ZNF75A: variants seen among roughly 807,000 people sequenced by gnomAD.
ZNF75A encodes zinc finger protein 75A.
A neutral mutation model predicts 46.3 loss-of-function variants in ZNF75A; 36 were observed. That is an observed-to-expected ratio of 0.78 (90% CI 0.60 to 1.03). The LOEUF (loss-of-function observed/expected upper bound fraction) is 1.03. Ranked by LOEUF, ZNF75A falls within the 50% of genes least tolerant of loss-of-function variation. The pLI is 0.00. For synonymous variants in ZNF75A, 234 were observed against 189.9 expected (o/e 1.23, Z -1.91); for missense variants, 595 against 551.3 (o/e 1.08, Z -0.79).
rs1475669802 is a variant in ZNF75A, at chr16:3,317,269, C to A, written c.1014C>A (p.Val338=). Residue 338 remains valine, a synonymous_variant, in exon 7 of 7, where the codon GTC becomes GTA. Transcript: ENST00000669516. ...TAGAAATACAAGCATCAGCAGGCGT[C>A]ATATCAAAAAAGGCCAAAGTAAAAG... The part of the protein sequence containing the change: ...SDLEIQASAG[V]ISKKAKVKVP... 6.2e-7 allele frequency: 1 copy of A among 1,613,766 alleles called. No homozygotes were observed. The highest frequency in any genetic ancestry group is 2.2e-5 in the East Asian group (1 of 44,870).
chr16:3,311,437 CAAAA>C lies in ZNF75A; in HGVS notation c.409-302_409-299del, dbSNP rs60757185. ...TGGGCAACAAGAGCAAAACTCATCT[CAAAA>C]AAAAAAAAAAAAATGAGTGGGCTGC... On this transcript the variant is annotated intron_variant, in intron 2 of 6. Coordinates refer to ENST00000669516, the MANE Select transcript of ZNF75A (RefSeq NM_001302109.2). Among the ~76,000 whole-genome samples the C allele has an allele frequency of 4.5e-3, 508 of 112,226 alleles. 3 individuals carry two copies. The highest frequency in any genetic ancestry group is 0.014 in the African/African-American group (475 of 32,820). The allele number at this position is 112,226 out of a possible 152,430, so 73.6% of individuals were successfully genotyped here.
downstream of ZNF75A, chr16:3,318,953 C>A: frequency 1.8e-6 from 1 of 568,974 alleles, no homozygotes; most frequent in Non-Finnish European, 2.2e-6. Context: ...CATTTAACAG[C>A]AGCCTCAGGT....
downstream of ZNF75A, among the ~76,000 whole-genome samples, chr16:3,322,624 T>G (rs2029985408): frequency 6.6e-6 from 1 of 152,228 alleles, no homozygotes; most frequent in African/African-American, 2.4e-5. Context: ...ATAATGAATC[T>G]TGAGTTGCAC....
downstream of ZNF75A, chr16:3,323,053 C>G: frequency 3.4e-6 from 2 of 585,870 alleles, no homozygotes; most frequent in African/African-American, 2.0e-5. Context: ...TTTTTTTTAA[C>G]CCTTCCTTTC....
chr16:3,313,306 G>A lies in ZNF75A; in HGVS notation c.823+131G>A, dbSNP rs1258516922. The A allele has an allele frequency of 1.0e-5, 9 of 859,554 alleles. No individual in the cohort carries two copies. In the East Asian group the frequency reaches 2.1e-4, roughly 20 times the overall value. The allele number at this position is 859,554 out of a possible 1,614,324, so 53.2% of individuals were successfully genotyped here. ...TCATCTAGATGGTATAGGGGAGGGT[G>A]TAGGTAGTGTATCCAGATCACCTGT... On this transcript the variant is annotated intron_variant, in intron 5 of 6. Transcript: ENST00000669516.
chr16:3,319,121 T>A (rs116027169), downstream of ZNF75A, among the ~76,000 whole-genome samples: 2,615 of 152,256 alleles, frequency 0.017, 78 homozygotes, highest in African/African-American at 0.06. Context: ...CCTCTTATTT[T>A]ATTTTTTTTG....
intron 5 of ZNF75A, among the ~76,000 whole-genome samples, chr16:3,314,071 A>G (rs919015690): frequency 2.0e-5 from 3 of 152,078 alleles, no homozygotes; most frequent in African/African-American, 7.2e-5. Context: ...CGCTATATAT[A>G]TATATCTTTT....
At chr16:3,311,384 G>A (rs1426077767) in intron 2 of ZNF75A, among the ~76,000 whole-genome samples, 1 of 151,208 alleles carries the variant, frequency 6.6e-6, no homozygotes, top group Non-Finnish European at 1.5e-5. Flanking sequence ...GTAGCAGTGA[G>A]CCGAGATTAT....
intron 5 of ZNF75A, chr16:3,316,236 A>G (rs1386245321): frequency 2.0e-5 from 3 of 152,214 alleles, no homozygotes; most frequent in African/African-American, 7.2e-5. Flanking sequence ...TCACTACTAT[A>G]TCCCTAGCCC....
intron 1 of ZNF75A, chr16:3,307,859 C>T (rs968418287): frequency 2.6e-5 from 4 of 152,104 alleles, no homozygotes; most frequent in Non-Finnish European, 4.4e-5. Context: ...AGGCTTCCAT[C>T]TTCACAAGAG....
downstream of ZNF75A, among the ~76,000 whole-genome samples, chr16:3,319,767 C>G (rs1961454269): frequency 6.6e-6 from 1 of 150,528 alleles, no homozygotes; most frequent in African/African-American, 2.4e-5. Flanking sequence ...TTGTGAGCCT[C>G]TGGCTGAAGC....
rs767942032 is a variant in ZNF75A at position 3,316,883 on chromosome 16, T to C, written c.824-29T>C. 20 of 1,521,906 alleles carry C rather than the reference T, an allele frequency of 1.3e-5. No homozygotes were observed. The Admixed American group carries it at 3.5e-4, about 27-fold the overall frequency. The allele number at this position is 1,521,906 out of a possible 1,614,324, so 94.3% of individuals were successfully genotyped here. A position where few individuals can be genotyped will look rare whatever the true frequency, so the allele number is the denominator to read the frequency against. Reference sequence around the variant, plus strand: ...GACCAGTTCACTGTTAAGTTACCAGTCCTTGACCTCATTTTGTCCATTTGA... The same window carrying C: ...GACCAGTTCACTGTTAAGTTACCAGCCCTTGACCTCATTTTGTCCATTTGA... On this transcript the variant is annotated intron_variant, in intron 5 of 6. Coordinates refer to ENST00000669516, the MANE Select transcript of ZNF75A (RefSeq NM_001302109.2).
At chr16:3,314,301 C>G (rs575418467) in intron 5 of ZNF75A, among the ~76,000 whole-genome samples, 25 of 152,284 alleles carry the variant, frequency 1.6e-4, no homozygotes, top group Admixed American at 3.9e-4. Context: ...TCTTTTCCAC[C>G]CACAGCTGTG....
intron 5 of ZNF75A, among the ~76,000 whole-genome samples, chr16:3,314,152 G>A (rs1462730070): frequency 1.3e-5 from 2 of 151,954 alleles, no homozygotes; most frequent in Non-Finnish European, 2.9e-5. Flanking sequence ...TAGACACTTG[G>A]TTCTAATTTA....
rs986241837 is a variant in ZNF75A, at chr16:3,318,358, G to T, written c.*489G>T. 25 of 987,548 alleles carry T rather than the reference G, an allele frequency of 2.5e-5. No homozygotes were observed. In the East Asian group the frequency reaches 2.4e-3, roughly 94 times the overall value. 61.2% of individuals were successfully genotyped at this position (987,548 alleles called of 1,614,324 possible). On this transcript the variant is annotated 3_prime_UTR_variant, in exon 7 of 7. Coordinates refer to ENST00000669516, the MANE Select transcript of ZNF75A (RefSeq NM_001302109.2). ...TTTTCGGCAACTTCTCTTGGATCCTGTTATCACAGTTTTTTACTGTGATGA... is the reference window on the plus strand; with the variant it reads ...TTTTCGGCAACTTCTCTTGGATCCTTTTATCACAGTTTTTTACTGTGATGA...
intron 5 of ZNF75A, among the ~76,000 whole-genome samples, chr16:3,314,506 C>T (rs1596398132): frequency 6.6e-6 from 1 of 152,218 alleles, no homozygotes; most frequent in African/African-American, 2.4e-5. Context: ...GGCATGTTAG[C>T]CCCAGAGGTT....
chr16:3,311,313 CTGT>C (rs1960770948), intron 2 of ZNF75A, among the ~76,000 whole-genome samples: 4 of 152,014 alleles, frequency 2.6e-5, no homozygotes, highest in Non-Finnish European at 5.9e-5. Flanking sequence ...TGGTGCATAC[CTGT>C]AATCCCAGCT....
At chr16:3,310,404 T>A (rs1158038104) in intron 2 of ZNF75A, among the ~76,000 whole-genome samples, 3 of 148,594 alleles carry the variant, frequency 2.0e-5, no homozygotes, top group African/African-American at 5.0e-5. Flanking sequence ...AAAAAAAAAA[T>A]GTTTTTAAAA....
At chr16:3,319,796 T>C (rs74003371), downstream of ZNF75A, among the ~76,000 whole-genome samples, 6 of 117,092 alleles carry the variant, frequency 5.1e-5, no homozygotes, top group African/African-American at 1.5e-4. Context: ...TTTTTTTTTT[T>C]ATTTTTTTTT....
Sources: gnomAD v4.1 joint callset for allele counts (sites outside exome capture counted in the v4.1 genomes callset) on GRCh38, gnomAD v4.1.1 for gene constraint, MANE v1.5 for transcripts, NCBI Gene and HGNC (gene_info 2026-07-23, HGNC 2026-07-21) for gene names.